The following CNTN4 variants were observed in gnomAD, a reference collection of about 807,000 sequenced individuals.
The protein encoded by CNTN4 is contactin-4.
Under a neutral mutation model 122.5 loss-of-function variants are expected in CNTN4, and 77 were observed. That is an observed-to-expected ratio of 0.63 (90% confidence interval 0.52 to 0.76). The LOEUF (loss-of-function observed/expected upper bound fraction) is 0.76. Among genes scored for constraint, CNTN4 ranks in the 30% least tolerant of loss-of-function variants. CNTN4 has a pLI of 0.00. For synonymous variants in CNTN4, 512 were observed against 447.0 expected (o/e 1.15, Z -1.83); for missense variants, 1,256 against 1,259.1 (o/e 1.00, Z 0.04).
At chr3:2,761,721 T>C (rs1207680356) in intron 6 of CNTN4, among the ~76,000 whole-genome samples, 2 of 152,164 alleles carry the variant, frequency 1.3e-5, no homozygotes, top group African/African-American at 4.8e-5. Flanking sequence ...TCAAACACAG[T>C]TGGCAGTTGT....
chr3:2,629,786 A>G (rs2082351199), intron 4 of CNTN4, among the ~76,000 whole-genome samples: 1 of 152,066 alleles, frequency 6.6e-6, no homozygotes, highest in South Asian at 2.1e-4. Context: ...TTGTTTTCTA[A>G]AGGGGAATCT....
chr3:2,748,128 G>T (rs1037155148), intron 6 of CNTN4, among the ~76,000 whole-genome samples: 6 of 152,112 alleles, frequency 3.9e-5, no homozygotes, highest in African/African-American at 1.4e-4. Context: ...TTTTGCAAAG[G>T]ACACTGGGGA....
chr3:2,910,424 A>G (rs1272823596), intron 12 of CNTN4, among the ~76,000 whole-genome samples: 1 of 152,228 alleles, frequency 6.6e-6, no homozygotes, highest in Non-Finnish European at 1.5e-5. Flanking sequence ...TTTCATAAAA[A>G]TATTTCCAAT....
At chr3:2,733,169 ACT>A (rs1306882345) in intron 4 of CNTN4, among the ~76,000 whole-genome samples, 3 of 152,156 alleles carry the variant, frequency 2.0e-5, no homozygotes, top group South Asian at 2.1e-4. Context: ...CTAGTAATAG[ACT>A]CTATATTTCT....
chr3:2,505,556 A>C (rs942417566), intron 3 of CNTN4, among the ~76,000 whole-genome samples: 2 of 152,200 alleles, frequency 1.3e-5, no homozygotes, highest in African/African-American at 4.8e-5. Context: ...TGAATTTGCA[A>C]ACTGTTTAAA....
At chr3:2,917,164 G>GGCGGC (rs2094373246) in intron 12 of CNTN4, among the ~76,000 whole-genome samples, 2 of 149,716 alleles carry the variant, frequency 1.3e-5, no homozygotes, top group South Asian at 4.3e-4. Context: ...AGTCAGGCGT[G>GGCGGC]GCGGCGCGCG....
chr3:2,140,102 C>T (rs568158359), intron 2 of CNTN4, among the ~76,000 whole-genome samples: 1 of 152,134 alleles, frequency 6.6e-6, no homozygotes, highest in African/African-American at 2.4e-5. Context: ...GTAAGATGTG[C>T]CTTTGCTTCT....
chr3:2,771,776 A>T (rs1039813455), intron 6 of CNTN4, among the ~76,000 whole-genome samples: 3 of 152,216 alleles, frequency 2.0e-5, no homozygotes, highest in African/African-American at 7.2e-5. Context: ...ATTATGTGGT[A>T]AATGAAAAGA....
In CNTN4 at chr3:2,580,879, C is replaced by T. The variant is rs73005747; in HGVS notation, c.55+9321C>T. On this transcript the variant is annotated intron_variant, in intron 4 of 24. Coordinates refer to ENST00000418658, the MANE Select transcript of CNTN4 (RefSeq NM_175607.3). The stretch of plus-strand genomic sequence containing the variant: ...CATAGATAAGGGGTTACATGACCTA[C>T]CAATAAAACCAGAGCTTGTAGAAGT... 8.3e-3 allele frequency among the ~76,000 whole-genome samples: 1,262 copies of T among 152,236 alleles called. 5 individuals carry two copies. Among genetic ancestry groups the T allele is most frequent in the Admixed American group, 0.016 (241 of 15,286 alleles).
intron 4 of CNTN4, among the ~76,000 whole-genome samples, chr3:2,694,432 T>G (rs1281926205): frequency 6.6e-6 from 1 of 152,210 alleles, no homozygotes; most frequent in African/African-American, 2.4e-5. Context: ...CCAGAAATCA[T>G]AAAGGACAGT....
intron 4 of CNTN4, among the ~76,000 whole-genome samples, chr3:2,700,892 C>T (rs2086322012): frequency 6.6e-6 from 1 of 152,132 alleles, no homozygotes. Context: ...CATGTTTTGT[C>T]TGGTTTTTGG....
intron 10 of CNTN4, among the ~76,000 whole-genome samples, chr3:2,899,005 T>G (rs1218642749): frequency 6.6e-6 from 1 of 152,248 alleles, no homozygotes; most frequent in East Asian, 1.9e-4. Flanking sequence ...AGTTGATGTT[T>G]GTTGATGTTC....
intron 4 of CNTN4, among the ~76,000 whole-genome samples, chr3:2,729,385 T>C (rs1056222098): frequency 2.1e-5 from 3 of 144,852 alleles, no homozygotes; most frequent in Non-Finnish European, 3.0e-5. Flanking sequence ...TAACACAAAA[T>C]TAACAAAAAA....
chr3:2,388,910 C>A (rs2046344016), intron 3 of CNTN4, among the ~76,000 whole-genome samples: 1 of 146,914 alleles, frequency 6.8e-6, no homozygotes, highest in Non-Finnish European at 1.5e-5. Context: ...GTAATCCCAG[C>A]ACTTTGGGAG....
At chr3:2,335,705 C>T (rs926250888) in intron 2 of CNTN4, among the ~76,000 whole-genome samples, 15 of 151,492 alleles carry the variant, frequency 9.9e-5, no homozygotes, top group Admixed American at 2.0e-4. Context: ...CTACTTTTTC[C>T]CCTAACAAGA....
intron 2 of CNTN4, among the ~76,000 whole-genome samples, chr3:2,301,356 C>T (rs1178492): frequency 0.27 from 40,941 of 151,982 alleles, 5,697 homozygotes; most frequent in East Asian, 0.52. Flanking sequence ...TTTTATAAAT[C>T]TGGTTGACAT....
chr3:2,575,100 T>C (rs2079600972), intron 4 of CNTN4, among the ~76,000 whole-genome samples: 2 of 152,016 alleles, frequency 1.3e-5, no homozygotes, highest in Non-Finnish European at 2.9e-5. Flanking sequence ...TAAACAAACA[T>C]TTAAGGTTCT....
chr3:2,965,390 C>T (rs943928668), intron 13 of CNTN4, among the ~76,000 whole-genome samples: 2 of 152,180 alleles, frequency 1.3e-5, no homozygotes, highest in African/African-American at 4.8e-5. Flanking sequence ...TGGAAATATT[C>T]TATGTCTGTG....
chr3:2,615,006 A>G (rs190556449), intron 4 of CNTN4, among the ~76,000 whole-genome samples: 2 of 152,228 alleles, frequency 1.3e-5, no homozygotes, highest in Admixed American at 6.5e-5. Context: ...TGAGAAATTA[A>G]TTGATAGTTC....
Sources: allele counts gnomAD v4.1 joint callset (sites outside exome capture counted in the v4.1 genomes callset), GRCh38; gene constraint gnomAD v4.1.1; transcripts MANE v1.5; gene names NCBI Gene and HGNC (gene_info 2026-07-23, HGNC 2026-07-21).